Variants in LOC400499 observed in about 807,000 individuals in gnomAD.
the LOC400499 span, chr16:11,399,268 G>A: frequency 2.0e-6 from 2 of 984,216 alleles, no homozygotes; most frequent in East Asian, 1.1e-4. Context: ...TGCTTTTCTT[G>A]TCTTCCAGAG....
At chr16:11,427,317 C>T in the LOC400499 span, among the ~76,000 whole-genome samples, 1 of 137,224 alleles carries the variant, frequency 7.3e-6, no homozygotes, top group Admixed American at 8.1e-5. Context: ...CATTGCACTC[C>T]AGCCTGGGCA....
the LOC400499 span, chr16:11,399,184 C>T: frequency 3.8e-5 from 37 of 984,002 alleles, 1 homozygote; most frequent in East Asian, 7.9e-4. Flanking sequence ...GATCTCCCTC[C>T]GCCCCCTCCC....
the LOC400499 span, chr16:11,385,052 T>C: frequency 4.1e-6 from 5 of 1,232,036 alleles, no homozygotes; most frequent in Non-Finnish European, 5.1e-6. Context: ...GGAGGAGTTG[T>C]ACAGCCTGTA....
At chr16:11,407,391 G>T in the LOC400499 span, 840 of 398,018 alleles carry the variant, frequency 2.1e-3, 14 homozygotes, top group Non-Finnish European at 3.8e-4. Flanking sequence ...TCCTCATCAG[G>T]GCTCTGATGG....
At chr16:11,372,664 G>A in the LOC400499 span, 3 of 798,962 alleles carry the variant, frequency 3.8e-6, no homozygotes, top group Non-Finnish European at 4.6e-6. Flanking sequence ...TCATTGTCAG[G>A]GAGCTGGAAT....
the LOC400499 span, among the ~76,000 whole-genome samples, chr16:11,507,267 C>G: frequency 4.6e-5 from 7 of 152,208 alleles, no homozygotes; most frequent in Non-Finnish European, 8.8e-5. Context: ...CCAGGGCCAT[C>G]TGGTTGCCAC....
At chr16:11,374,081 C>G in the LOC400499 span, among the ~76,000 whole-genome samples, 5 of 152,154 alleles carry the variant, frequency 3.3e-5, no homozygotes, top group Admixed American at 1.3e-4. Flanking sequence ...AATTACTAAA[C>G]TACAAATTTA....
chr16:11,448,162 A>C, the LOC400499 span: 3 of 1,428,310 alleles, frequency 2.1e-6, no homozygotes, highest in African/African-American at 1.4e-5. Flanking sequence ...GTAGCCCCCC[A>C]CAACCTGCCC....
the LOC400499 span, chr16:11,396,428 T>C: frequency 8.3e-7 from 1 of 1,198,152 alleles, no homozygotes; most frequent in East Asian, 3.2e-5. Context: ...CCCAGGCAGT[T>C]GGGGGCCTGC....
chr16:11,390,813 G>C, the LOC400499 span, among the ~76,000 whole-genome samples: 1 of 152,138 alleles, frequency 6.6e-6, no homozygotes, highest in South Asian at 2.1e-4. Context: ...AGTGTGGTCC[G>C]TGCCAAGCAG....
chr16:11,437,321 G>A, the LOC400499 span, among the ~76,000 whole-genome samples: 2 of 152,210 alleles, frequency 1.3e-5, no homozygotes, highest in Non-Finnish European at 2.9e-5. Context: ...GCCCTTTGGA[G>A]ACCAAGGCAG....
At chr16:11,414,671 C>A in the LOC400499 span, 1 of 397,618 alleles carries the variant, frequency 2.5e-6, no homozygotes, top group Non-Finnish European at 4.4e-6. Flanking sequence ...TGGGGTCAAC[C>A]CCTTTGAGCC....
At chr16:11,390,107 G>A in the LOC400499 span, 1 of 1,232,174 alleles carries the variant, frequency 8.1e-7, no homozygotes, top group Non-Finnish European at 1.0e-6. Flanking sequence ...CGAGTTACCT[G>A]GCCGACAGGC....
chr16:11,463,992 TATGA>T, the LOC400499 span, among the ~76,000 whole-genome samples: 1 of 152,144 alleles, frequency 6.6e-6, no homozygotes, highest in South Asian at 2.1e-4. Flanking sequence ...GATGTGTGTA[TATGA>T]ATGTGCATAC....
the LOC400499 span, chr16:11,447,984 CT>C: frequency 6.5e-7 from 1 of 1,536,094 alleles, no homozygotes; most frequent in Non-Finnish European, 8.7e-7. Context: ...CTTGCCTCAG[CT>C]CCTCCAGCTC....
At chr16:11,491,645 G>GCCCAACCCCCCC in the LOC400499 span, 1 of 370,390 alleles carries the variant, frequency 2.7e-6, no homozygotes, top group Non-Finnish European at 4.8e-6. Context: ...TTCAGGAGGT[G>GCCCAACCCCCCC]CCCTCCCAGC....
chr16:11,522,737 T>C, the LOC400499 span, among the ~76,000 whole-genome samples: 1 of 152,212 alleles, frequency 6.6e-6, no homozygotes, highest in Non-Finnish European at 1.5e-5. Flanking sequence ...TACTCACCTA[T>C]CATCTTGATG....
chr16:11,518,875 C>T, the LOC400499 span: 10 of 399,038 alleles, frequency 2.5e-5, no homozygotes, highest in African/African-American at 2.1e-4. Flanking sequence ...TGAGCAGGTC[C>T]CAGCCCCATG....
the LOC400499 span, among the ~76,000 whole-genome samples, chr16:11,440,489 C>T: frequency 6.6e-6 from 1 of 152,202 alleles, no homozygotes; most frequent in African/African-American, 2.4e-5. Context: ...TGGAGCAGAG[C>T]CACGCTGAAC....
Sources: allele counts gnomAD v4.1 joint callset (sites outside exome capture counted in the v4.1 genomes callset), GRCh38; gene constraint gnomAD v4.1.1; transcripts MANE v1.5.